NMD3: variants seen among roughly 807,000 people sequenced by gnomAD.
NMD3 encodes the protein 60S ribosomal export protein NMD3.
A neutral mutation model predicts 73.1 loss-of-function variants in NMD3; 47 were observed. The ratio of observed to expected loss-of-function variants is 0.64; its 90% CI spans 0.51 to 0.82. The LOEUF (loss-of-function observed/expected upper bound fraction) is 0.82, where lower values mean the gene tolerates loss of function less well. Among genes scored for constraint, NMD3 ranks in the 40% least tolerant of loss-of-function variants. The pLI, the probability that NMD3 is intolerant of heterozygous loss-of-function variation, is 0.00. For missense variants in NMD3, 554 were observed against 612.5 expected (o/e 0.90, Z 1.01); for synonymous variants, 210 against 194.5 (o/e 1.08, Z -0.66).
At chr3:161,250,634 C>A in intron 15 of NMD3, 146 bp from the exon 16 acceptor site, 1 of 585,252 alleles carries the variant, frequency 1.7e-6, no homozygotes. Context: ...ATTTGAATGA[C>A]TGCTGTAAGA....
chr3:161,244,095 T>C (rs958085691), intron 11 of NMD3, among the ~76,000 whole-genome samples: 2 of 152,206 alleles, frequency 1.3e-5, no homozygotes, highest in Non-Finnish European at 1.5e-5. Flanking sequence ...AACTAGGGGT[T>C]ATGTAGCTTT....
intron 11 of NMD3, among the ~76,000 whole-genome samples, chr3:161,244,608 CT>C (rs2108097887): frequency 6.9e-6 from 1 of 143,998 alleles, no homozygotes; most frequent in East Asian, 2.0e-4. Context: ...TTGTTTTCTT[CT>C]TCTCTCCTCC....
In NMD3 at chr3:161,250,964, C is replaced by T. The variant is rs763990707; in HGVS notation, c.*54C>T. ...GGGCTTAAGAAGTTGGACAGAGTTA[C>T]CTTAAGTGTCTCTACTATCTTTGCC... On this transcript the variant is annotated 3_prime_UTR_variant, in exon 16 of 16. Coordinates refer to ENST00000351193, the MANE Select transcript of NMD3 (RefSeq NM_015938.5). 1.1e-4 allele frequency: 154 copies of T among 1,452,018 alleles called. 2 individuals are homozygous for T. Among genetic ancestry groups the T allele is most frequent in the Admixed American group, 2.5e-4 (14 of 55,192 alleles). 89.9% of individuals were successfully genotyped at this position (1,452,018 alleles called of 1,614,324 possible).
intron 10 of NMD3, 46 bp downstream of exon 10, chr3:161,241,209 C>G (rs755127498): frequency 7.5e-6 from 8 of 1,062,652 alleles, no homozygotes; most frequent in Non-Finnish European, 1.0e-5. Flanking sequence ...TTTTGTATGA[C>G]AAACAATAAT....
rs148539061 is a variant in NMD3, at chr3:161,238,446, C to T, written c.656+255C>T. Among the ~76,000 whole-genome samples the T allele has an allele frequency of 3.9e-3, 593 of 152,124 alleles. 4 individuals are homozygous for T. The highest frequency in any genetic ancestry group is 0.014 in the African/African-American group (566 of 41,480). On this transcript the variant is annotated intron_variant, in intron 8 of 15. Transcript: ENST00000351193. Reference sequence around the variant, plus strand: ...AGTGTGAACAAAGATTTGCAGTGGGCGTTAGTATGGCTTTTAATAATGCTA... The same window carrying T: ...AGTGTGAACAAAGATTTGCAGTGGGTGTTAGTATGGCTTTTAATAATGCTA...
At chr3:161,230,295 C>T (rs962919289) in intron 4 of NMD3, among the ~76,000 whole-genome samples, 5 of 152,162 alleles carry the variant, frequency 3.3e-5, no homozygotes, top group Admixed American at 6.5e-5. Context: ...TGAGATCTCT[C>T]TCTTTCTCTC....
intron 12 of NMD3, among the ~76,000 whole-genome samples, 192 bp from the exon 13 acceptor site, chr3:161,247,065 GA>G (rs1737241439): frequency 6.6e-6 from 1 of 152,096 alleles, no homozygotes; most frequent in Non-Finnish European, 1.5e-5. Flanking sequence ...GATTATAAGT[GA>G]AACTCAGAGT....
chr3:161,235,950 A>G (rs2108086808), intron 7 of NMD3, among the ~76,000 whole-genome samples: 1 of 152,190 alleles, frequency 6.6e-6, no homozygotes, highest in Middle Eastern at 3.4e-3. Context: ...TTTTTTCAAA[A>G]AACTATTTTT....
chr3:161,221,764 G>A, intron 1 of NMD3: 1 of 362,342 alleles, frequency 2.8e-6, no homozygotes, highest in Non-Finnish European at 5.0e-6. Flanking sequence ...TGGCCCGAGG[G>A]TCTTGCAGCT....
At chr3:161,227,122 G>A in intron 3 of NMD3, 125 bp from the exon 4 acceptor site, 1 of 543,032 alleles carries the variant, frequency 1.8e-6, no homozygotes, top group Admixed American at 3.6e-5. Flanking sequence ...TGAGTTAAGT[G>A]CTTCATATCA....
At chr3:161,221,281 G>A (rs747140344), upstream of NMD3, 329 of 152,314 alleles carry the variant, frequency 2.2e-3, 2 homozygotes, top group Non-Finnish European at 3.8e-3. Context: ...TCGGGCCGCG[G>A]GATTTCGAGC....
chr3:161,249,627 T>C (rs1737399241), intron 14 of NMD3, 67 bp downstream of exon 14: 1 of 1,041,480 alleles, frequency 9.6e-7, no homozygotes, highest in East Asian at 2.6e-5. Context: ...ACTTTTTATG[T>C]TGTAAAGAAA....
At chr3:161,238,368 C>A (rs1415133771) in intron 8 of NMD3, among the ~76,000 whole-genome samples, 177 bp downstream of exon 8, 1 of 152,168 alleles carries the variant, frequency 6.6e-6, no homozygotes. Flanking sequence ...AGGACTTGTG[C>A]TCCAAAGATC....
intron 5 of NMD3, 31 bp downstream of exon 5, chr3:161,233,510 T>C: frequency 7.3e-7 from 1 of 1,367,912 alleles, no homozygotes; most frequent in Non-Finnish European, 1.0e-6. Flanking sequence ...TCAGCATGGT[T>C]AAAGTGCAGG....
chr3:161,224,641 C>A (rs918736466), intron 2 of NMD3, among the ~76,000 whole-genome samples: 1 of 151,828 alleles, frequency 6.6e-6, no homozygotes, highest in Non-Finnish European at 1.5e-5. Context: ...CGTGCGCCAC[C>A]ATGCCTGGCT....
At chr3:161,239,165 A>G (rs1222038211) in intron 9 of NMD3, among the ~76,000 whole-genome samples, 2 of 152,194 alleles carry the variant, frequency 1.3e-5, no homozygotes, top group African/African-American at 4.8e-5. Flanking sequence ...ATTAAAATCA[A>G]TATTAGTGAG....
At chr3:161,249,797 C>A in intron 14 of NMD3, 1 of 512,456 alleles carries the variant, frequency 2.0e-6, no homozygotes. Flanking sequence ...GTAAACAATT[C>A]ATTTGAAAAG....
chr3:161,249,815 A>G (rs572747575), intron 14 of NMD3: 4 of 492,418 alleles, frequency 8.1e-6, no homozygotes, highest in South Asian at 7.7e-5. Flanking sequence ...AAGTTAAAAT[A>G]TAATCATACT....
At chr3:161,238,686 A>G in intron 8 of NMD3, 44 bp from the exon 9 acceptor site, 1 of 914,002 alleles carries the variant, frequency 1.1e-6, no homozygotes, top group Non-Finnish European at 1.8e-6. Flanking sequence ...CATACAGGTT[A>G]ATGATCTTTG....
Sources: gnomAD v4.1 joint callset for allele counts (sites outside exome capture counted in the v4.1 genomes callset) on GRCh38, gnomAD v4.1.1 for gene constraint, MANE v1.5 for transcripts, NCBI Gene and HGNC (gene_info 2026-07-23, HGNC 2026-07-21) for gene names.